The following GYPC variants were observed in gnomAD, a reference collection of about 807,000 sequenced individuals.
GYPC encodes glycophorin-C.
GYPC carries 14 observed loss-of-function variants against 12.6 expected under a neutral mutation model. The observed-to-expected ratio is 1.11, with a 90% confidence interval of 0.74 to 1.74. The LOEUF (loss-of-function observed/expected upper bound fraction) is 1.74. Ranked by LOEUF, GYPC falls within the 40% of genes most tolerant of loss-of-function variation. GYPC has a pLI of 0.00. For missense variants in GYPC, 225 were observed against 172.1 expected (o/e 1.31, Z -1.72); for synonymous variants, 78 against 62.1 (o/e 1.26, Z -1.20).
intron 1 of GYPC, among the ~76,000 whole-genome samples, chr2:126,682,228 C>T (rs1466807358): frequency 6.6e-6 from 1 of 152,222 alleles, no homozygotes; most frequent in African/African-American, 2.4e-5. Flanking sequence ...CATTTCCCTG[C>T]TGCCTCACTG....
chr2:126,667,728 G>A (rs552351687), intron 1 of GYPC, among the ~76,000 whole-genome samples: 2 of 151,500 alleles, frequency 1.3e-5, no homozygotes, highest in South Asian at 2.1e-4. Context: ...TAAGTTCCAA[G>A]TCTGCAGGGA....
intron 1 of GYPC, among the ~76,000 whole-genome samples, chr2:126,656,793 G>A (rs1230818858): frequency 6.6e-6 from 1 of 152,258 alleles, no homozygotes; most frequent in Non-Finnish European, 1.5e-5. Flanking sequence ...GCGCCGCAAA[G>A]GCACACAGAT....
intron 1 of GYPC, among the ~76,000 whole-genome samples, chr2:126,671,605 T>C (rs889428018): frequency 2.0e-5 from 3 of 152,220 alleles, no homozygotes; most frequent in African/African-American, 7.2e-5. Context: ...AGCTCAACCG[T>C]GGTCTCCTGG....
chr2:126,663,304 G>A (rs541588713), intron 1 of GYPC, among the ~76,000 whole-genome samples: 1 of 152,282 alleles, frequency 6.6e-6, no homozygotes, highest in Admixed American at 6.5e-5. Context: ...CCAAAGTGCT[G>A]GGATTATAGG....
chr2:126,685,630 C>G (rs1319326784), intron 1 of GYPC, among the ~76,000 whole-genome samples: 1 of 152,098 alleles, frequency 6.6e-6, no homozygotes, highest in Non-Finnish European at 1.5e-5. Context: ...GGTGTTCCAC[C>G]CACCTCAGCC....
chr2:126,656,825 G>T (rs577982689), intron 1 of GYPC, among the ~76,000 whole-genome samples: 1 of 152,350 alleles, frequency 6.6e-6, no homozygotes, highest in East Asian at 1.9e-4. Context: ...CTGCGGCCTG[G>T]ATCCTTTGGG....
intron 1 of GYPC, among the ~76,000 whole-genome samples, chr2:126,664,451 C>T (rs1682625670): frequency 6.6e-6 from 1 of 152,184 alleles, no homozygotes; most frequent in Admixed American, 6.5e-5. Flanking sequence ...TCTCTTCCCC[C>T]TCTACATTGA....
chr2:126,657,529 GTTTATATA>G (rs1682397875), intron 1 of GYPC: 1 of 152,230 alleles, frequency 6.6e-6, no homozygotes, highest in Admixed American at 6.5e-5. Context: ...TGCTGGGCAT[GTTTATATA>G]ATTGCACATG....
chr2:126,683,856 G>A (rs1683215212), intron 1 of GYPC, among the ~76,000 whole-genome samples: 1 of 152,182 alleles, frequency 6.6e-6, no homozygotes, highest in Non-Finnish European at 1.5e-5. Context: ...CCTTCTGAGT[G>A]TTGAGCCTCT....
intron 1 of GYPC, chr2:126,658,726 C>A (rs1682440573): frequency 6.6e-6 from 1 of 152,192 alleles, no homozygotes; most frequent in Non-Finnish European, 1.5e-5. Context: ...TTTGCTGATA[C>A]AAATATTTCT....
chr2:126,687,906 C>T (rs1296402242), intron 1 of GYPC, among the ~76,000 whole-genome samples: 1 of 134,284 alleles, frequency 7.4e-6, no homozygotes, highest in African/African-American at 2.7e-5. Flanking sequence ...CACCTGGAAA[C>T]CAGCTTACCA....
chr2:126,671,776 G>A (rs1373176742), intron 1 of GYPC, among the ~76,000 whole-genome samples: 2 of 152,220 alleles, frequency 1.3e-5, no homozygotes, highest in Non-Finnish European at 2.9e-5. Flanking sequence ...TCACACTTTG[G>A]CGAGGTGGAC....
chr2:126,656,276 A>G lies in GYPC; in HGVS notation c.13A>G (p.Arg5Gly). Residue 5 changes from arginine (R) to glycine (G), a missense_variant, in exon 1 of 4, where the codon AGA (arginine) becomes GGA (glycine). By Grantham distance (125) the Arg-to-Gly change is moderately radical (BLOSUM62 -2). Coordinates refer to ENST00000259254, the MANE Select transcript of GYPC (RefSeq NM_002101.5). MWST[R>G]SPNSTAWPLS... ...CTGACGCCCAGGAATGTGGTCGACG[A>G]GAAGCCCCAACAGCACGGCGTGGCC... 6.2e-7 allele frequency: 1 copy of G among 1,603,752 alleles called. No individual in the cohort carries two copies.
At chr2:126,694,829 A>G (rs1683591542) in intron 3 of GYPC, among the ~76,000 whole-genome samples, 10 of 150,604 alleles carry the variant, frequency 6.6e-5, no homozygotes, top group Admixed American at 6.6e-4. Context: ...GCAGCTTCAA[A>G]GTAAATGCCC....
Position 126,656,204 on chromosome 2 carries a change from G to A in GYPC, c.-60G>A. 4.5e-6 allele frequency: 7 copies of A among 1,546,688 alleles called. No individual in the cohort carries two copies. The Admixed American group carries it at 5.8e-5, about 13-fold the overall frequency. On this transcript the variant is annotated 5_prime_UTR_variant, in exon 1 of 4. Coordinates refer to ENST00000259254, the MANE Select transcript of GYPC (RefSeq NM_002101.5). ...GAGCCCGGGAGCGCGACCCTCCCCCGGCCCGGCCTGGCCCGGCCTGGCCAG... is the reference window on the plus strand; with the variant it reads ...GAGCCCGGGAGCGCGACCCTCCCCCAGCCCGGCCTGGCCCGGCCTGGCCAG...
chr2:126,664,949 CTT>C (rs1682638119), intron 1 of GYPC, among the ~76,000 whole-genome samples: 1 of 135,628 alleles, frequency 7.4e-6, no homozygotes, highest in African/African-American at 3.0e-5. Context: ...TACTTGCTGT[CTT>C]TCTCTCTCTC....
At chr2:126,678,931 AG>A (rs1418037746) in intron 1 of GYPC, 1 of 152,230 alleles carries the variant, frequency 6.6e-6, no homozygotes, top group East Asian at 1.9e-4. Context: ...CGGTGGAGGA[AG>A]GAGAAAAACA....
At chr2:126,656,530 C>A (rs1368361722) in intron 1 of GYPC, among the ~76,000 whole-genome samples, 1 of 152,262 alleles carries the variant, frequency 6.6e-6, no homozygotes, top group Non-Finnish European at 1.5e-5. Context: ...CGGACCCCTA[C>A]GCGCAGCCTC....
At chr2:126,689,265 C>T (rs981732914) in intron 1 of GYPC, among the ~76,000 whole-genome samples, 4 of 152,212 alleles carry the variant, frequency 2.6e-5, no homozygotes, top group African/African-American at 9.6e-5. Flanking sequence ...CTGGCCAAGT[C>T]CTGACCTGAT....
Sources: gnomAD v4.1 joint callset for allele counts (sites outside exome capture counted in the v4.1 genomes callset) on GRCh38, gnomAD v4.1.1 for gene constraint, MANE v1.5 for transcripts, NCBI Gene and HGNC (gene_info 2026-07-23, HGNC 2026-07-21) for gene names.